SMARCC1: variants seen among roughly 807,000 people sequenced by gnomAD.
SMARCC1 encodes SWI/SNF complex subunit SMARCC1.
In SMARCC1, 43 loss-of-function variants were observed where a neutral mutation model predicts 147.4. That is an observed-to-expected ratio of 0.29 (90% CI 0.23 to 0.38). The LOEUF (loss-of-function observed/expected upper bound fraction) is 0.38. SMARCC1 is among the 10% of genes least tolerant of loss of function. The pLI, the probability that SMARCC1 is intolerant of heterozygous loss-of-function variation, is 1.00. For synonymous variants in SMARCC1, 495 were observed against 484.4 expected (o/e 1.02, Z -0.29); for missense variants, 1,119 against 1,381.1 (o/e 0.81, Z 3.01).
At chr3:47,703,768 A>T (rs927020453) in intron 10 of SMARCC1, among the ~76,000 whole-genome samples, 3 of 151,932 alleles carry the variant, frequency 2.0e-5, no homozygotes, top group African/African-American at 7.3e-5. Flanking sequence ...ATAAAGGAAA[A>T]TTTTTTTCCA....
chr3:47,618,361 G>T (rs2032675996), intron 25 of SMARCC1, among the ~76,000 whole-genome samples: 1 of 151,406 alleles, frequency 6.6e-6, no homozygotes. Context: ...GGGCAACATG[G>T]CAAGATCTTG....
chr3:47,720,872 A>G (rs2034225142), intron 6 of SMARCC1, 137 bp from the exon 7 acceptor site: 1 of 702,558 alleles, frequency 1.4e-6, no homozygotes, highest in Non-Finnish European at 2.4e-6. Context: ...GCTGGTTTGG[A>G]AAGAAAAAGT....
chr3:47,715,340 CGA>C (rs2034143293), intron 7 of SMARCC1, among the ~76,000 whole-genome samples: 1 of 152,140 alleles, frequency 6.6e-6, no homozygotes, highest in East Asian at 1.9e-4. Flanking sequence ...CTGGCCCCAG[CGA>C]TGTACTCTAG....
chr3:47,722,292 G>GATT (rs2034242106), intron 6 of SMARCC1, among the ~76,000 whole-genome samples: 1 of 73,966 alleles, frequency 1.4e-5, no homozygotes, highest in Non-Finnish European at 3.1e-5. Context: ...TACAAATTTT[G>GATT]ATTTTTTTTT....
intron 26 of SMARCC1, among the ~76,000 whole-genome samples, chr3:47,593,772 C>T (rs990642880): frequency 1.3e-5 from 2 of 152,202 alleles, no homozygotes; most frequent in Non-Finnish European, 2.9e-5. Context: ...AAACCACACC[C>T]TGCCTATCTC....
intron 9 of SMARCC1, among the ~76,000 whole-genome samples, chr3:47,709,494 T>G (rs1168071551): frequency 6.6e-6 from 1 of 151,668 alleles, no homozygotes; most frequent in African/African-American, 2.4e-5. Context: ...AAGACCAGCC[T>G]GGCCAACATG....
chr3:47,745,650 G>A (rs2034556460), intron 3 of SMARCC1, among the ~76,000 whole-genome samples: 1 of 152,152 alleles, frequency 6.6e-6, no homozygotes, highest in Non-Finnish European at 1.5e-5. Flanking sequence ...TGCGCGGGAT[G>A]CAGTGACCTG....
chr3:47,660,228 C>T (rs1448623618), intron 21 of SMARCC1, among the ~76,000 whole-genome samples: 1 of 151,790 alleles, frequency 6.6e-6, no homozygotes, highest in Non-Finnish European at 1.5e-5. Context: ...GGGCAGATCA[C>T]GAGGTCAGGA....
rs945626387 is a variant in SMARCC1, at chr3:47,650,781, T to C, written c.2320+10513A>G. On this transcript the variant is annotated intron_variant, in intron 21 of 27. Transcript: ENST00000254480. ...AGTGAATCATGATCATGCCACTGTA[T>C]CCAGCCAGGGAGACATAGCAAGACC... is the stretch of plus-strand genomic sequence containing the variant. Among the ~76,000 whole-genome samples, 15 of 151,434 alleles carry C rather than the reference T, an allele frequency of 9.9e-5. No individual in the cohort carries two copies. In the Middle Eastern group the frequency reaches 0.017, roughly 172 times the overall value.
intron 9 of SMARCC1, among the ~76,000 whole-genome samples, chr3:47,706,840 A>T (rs1352144204): frequency 1.3e-5 from 2 of 152,214 alleles, no homozygotes; most frequent in Non-Finnish European, 2.9e-5. Flanking sequence ...TGAGAATTGT[A>T]TTTCAATAAC....
intron 24 of SMARCC1, among the ~76,000 whole-genome samples, chr3:47,627,977 C>T (rs553925332): frequency 5.3e-5 from 8 of 152,156 alleles, no homozygotes; most frequent in Non-Finnish European, 1.0e-4. Flanking sequence ...CCTGCCTCAG[C>T]TTCCCAAAGT....
intron 6 of SMARCC1, among the ~76,000 whole-genome samples, chr3:47,725,053 A>AAAAAAAAAAAC (rs2034282340): frequency 6.6e-6 from 1 of 151,412 alleles, no homozygotes; most frequent in Non-Finnish European, 1.5e-5. Flanking sequence ...AAAAAAAAAA[A>AAAAAAAAAAAC]AAAATCTATT....
chr3:47,776,368 G>A (rs1464983559), intron 1 of SMARCC1, among the ~76,000 whole-genome samples: 1 of 152,014 alleles, frequency 6.6e-6, no homozygotes, highest in Non-Finnish European at 1.5e-5. Flanking sequence ...TTGGGAGGCC[G>A]CGGCGGGTGG....
intron 11 of SMARCC1, among the ~76,000 whole-genome samples, chr3:47,695,324 G>C (rs1200652346): frequency 1.3e-5 from 2 of 152,168 alleles, no homozygotes; most frequent in Non-Finnish European, 2.9e-5. Context: ...GACAATGCAA[G>C]TATGTACTTT....
intron 24 of SMARCC1, among the ~76,000 whole-genome samples, chr3:47,625,240 A>T (rs1214586649): frequency 6.6e-6 from 1 of 151,464 alleles, no homozygotes; most frequent in East Asian, 1.9e-4. Flanking sequence ...TGGGTGGATC[A>T]CTTGAGGCCA....
intron 6 of SMARCC1, 57 bp downstream of exon 6, chr3:47,728,968 A>G: frequency 9.1e-7 from 1 of 1,101,860 alleles, no homozygotes. Context: ...GGTATGACAT[A>G]AAATCCATTT....
At chr3:47,754,359 C>T (rs2034663220) in intron 2 of SMARCC1, among the ~76,000 whole-genome samples, 1 of 152,062 alleles carries the variant, frequency 6.6e-6, no homozygotes, top group African/African-American at 2.4e-5. Context: ...CGCACCACCA[C>T]GCCCAGCTAA....
At chr3:47,689,613 AT>A (rs2033767239) in intron 12 of SMARCC1, among the ~76,000 whole-genome samples, 189 bp from the exon 13 acceptor site, 3 of 152,242 alleles carry the variant, frequency 2.0e-5, no homozygotes, top group Non-Finnish European at 4.4e-5. Context: ...GTAATTAGAA[AT>A]TCAAAGCAAA....
chr3:47,714,270 A>G (rs940833235), intron 8 of SMARCC1, 145 bp downstream of exon 8: 6 of 609,650 alleles, frequency 9.8e-6, no homozygotes, highest in African/African-American at 1.9e-5. Context: ...AGGCTAACGC[A>G]CGAGAATCAC....
Sources: allele counts gnomAD v4.1 joint callset (sites outside exome capture counted in the v4.1 genomes callset), GRCh38; gene constraint gnomAD v4.1.1; transcripts MANE v1.5; gene names NCBI Gene and HGNC (gene_info 2026-07-23, HGNC 2026-07-21).